Variants in SGCZ observed in about 807,000 individuals in gnomAD.
SGCZ encodes zeta-sarcoglycan.
A neutral mutation model predicts 41.3 loss-of-function variants in SGCZ; 40 were observed. That is an observed-to-expected ratio of 0.97 (90% confidence interval 0.75 to 1.26). The LOEUF (loss-of-function observed/expected upper bound fraction) is 1.26. Among genes scored for constraint, SGCZ ranks in the 50% most tolerant of loss-of-function variants. The probability of loss-of-function intolerance (pLI) is 0.00; values close to 1 mark genes in which losing one functional copy is unlikely to be tolerated. For synonymous variants in SGCZ, 206 were observed against 137.5 expected (o/e 1.50, Z -3.49); for missense variants, 552 against 369.8 (o/e 1.49, Z -4.04).
intron 2 of SGCZ, among the ~76,000 whole-genome samples, chr8:14,537,351 C>T (rs1803327628): frequency 6.6e-6 from 1 of 151,882 alleles, no homozygotes; most frequent in South Asian, 2.1e-4. Flanking sequence ...ACCACATTTC[C>T]ACTCAGTTTT....
At chr8:14,309,683 C>G in intron 3 of SGCZ, 1 of 1,610,018 alleles carries the variant, frequency 6.2e-7, no homozygotes, top group Non-Finnish European at 8.5e-7. Context: ...AAGAAGACAC[C>G]TTCTGAGTAT....
chr8:14,787,125 A>C (rs1451669031), intron 1 of SGCZ, among the ~76,000 whole-genome samples: 1 of 152,204 alleles, frequency 6.6e-6, no homozygotes, highest in Non-Finnish European at 1.5e-5. Context: ...CATATGACAC[A>C]GAAGCAACAG....
chr8:14,308,903 A>T, intron 3 of SGCZ: 1 of 458,062 alleles, frequency 2.2e-6, no homozygotes, highest in Non-Finnish European at 3.9e-6. Context: ...GCAAAGAAAT[A>T]CATTTTCTTA....
At chr8:14,215,581 A>C (rs533297850) in intron 4 of SGCZ, among the ~76,000 whole-genome samples, 5 of 152,078 alleles carry the variant, frequency 3.3e-5, no homozygotes, top group Non-Finnish European at 7.4e-5. Flanking sequence ...TTTGAAAAAA[A>C]TTTAAGCCAT....
intron 1 of SGCZ, among the ~76,000 whole-genome samples, chr8:14,653,067 A>C (rs1807455005): frequency 6.6e-6 from 1 of 152,110 alleles, no homozygotes; most frequent in African/African-American, 2.4e-5. Context: ...GAAAACATAA[A>C]ATCCTCTATG....
intron 2 of SGCZ, among the ~76,000 whole-genome samples, chr8:14,401,973 T>A (rs549595586): frequency 3.3e-5 from 5 of 151,624 alleles, no homozygotes; most frequent in Non-Finnish European, 7.4e-5. Context: ...TTTTAATGAT[T>A]GCCATTCTAA....
chr8:14,656,487 T>G (rs1807578554), intron 1 of SGCZ, among the ~76,000 whole-genome samples: 1 of 147,108 alleles, frequency 6.8e-6, no homozygotes, highest in Non-Finnish European at 1.5e-5. Context: ...TCTTTCTCCC[T>G]CTCTTTCCTC....
chr8:14,481,915 G>C (rs548647792), intron 2 of SGCZ, among the ~76,000 whole-genome samples: 80 of 152,202 alleles, frequency 5.3e-4, no homozygotes, highest in Non-Finnish European at 1.0e-3. Context: ...CAGTTGAGAA[G>C]AGAAACAAAC....
intron 1 of SGCZ, among the ~76,000 whole-genome samples, chr8:14,819,059 G>A (rs371155571): frequency 7.3e-5 from 11 of 151,640 alleles, no homozygotes; most frequent in African/African-American, 2.7e-4. Context: ...AAAGATCTGT[G>A]GATAGATTCA....
At chr8:15,214,295 A>T (rs1322934757) in intron 1 of SGCZ, among the ~76,000 whole-genome samples, 1 of 152,156 alleles carries the variant, frequency 6.6e-6, no homozygotes, top group African/African-American at 2.4e-5. Flanking sequence ...GTTTTAAAGG[A>T]ACATGCAAAA....
At chr8:14,696,923 T>C (rs1808982491) in intron 1 of SGCZ, among the ~76,000 whole-genome samples, 1 of 150,802 alleles carries the variant, frequency 6.6e-6, no homozygotes, top group African/African-American at 2.5e-5. Context: ...TCCCAAGTGA[T>C]GACAGTGAAA....
At chr8:14,461,640 T>C (rs752806036) in intron 2 of SGCZ, among the ~76,000 whole-genome samples, 14 of 152,096 alleles carry the variant, frequency 9.2e-5, no homozygotes, top group Non-Finnish European at 1.8e-4. Flanking sequence ...AGTTTTTCAG[T>C]GACAGCCTGC....
intron 1 of SGCZ, among the ~76,000 whole-genome samples, chr8:15,113,659 T>C (rs75697213): frequency 0.08 from 12,120 of 152,160 alleles, 1,547 homozygotes; most frequent in African/African-American, 0.27. Context: ...TCAGTCCCCC[T>C]TCCTCATACA....
chr8:14,192,571 T>C (rs1177725269), intron 4 of SGCZ, among the ~76,000 whole-genome samples: 1 of 151,928 alleles, frequency 6.6e-6, no homozygotes, highest in Non-Finnish European at 1.5e-5. Flanking sequence ...TCAAGAGTTC[T>C]ATCCAAGAAT....
At chr8:14,281,367 T>G (rs1271991164) in intron 3 of SGCZ, among the ~76,000 whole-genome samples, 1 of 152,024 alleles carries the variant, frequency 6.6e-6, no homozygotes, top group Non-Finnish European at 1.5e-5. Flanking sequence ...ACTGTCACTA[T>G]TAGCTCCGTT....
chr8:14,835,930 C>G (rs1802686384), intron 1 of SGCZ, among the ~76,000 whole-genome samples: 1 of 152,146 alleles, frequency 6.6e-6, no homozygotes, highest in South Asian at 2.1e-4. Context: ...AAATTAATAG[C>G]TGAAATTAAA....
In SGCZ at chr8:14,474,075, T is replaced by A. The variant is rs895481610; in HGVS notation, c.234+80657A>T. On this transcript the variant is annotated intron_variant, in intron 2 of 7. Transcript: ENST00000382080. ...GGAAAGTTATAGGGGAAAGAAGAAG[T>A]CTCTTGTCAACAGAAATAGAATCTT... Among the ~76,000 whole-genome samples, 6 of 151,942 alleles carry A rather than the reference T, an allele frequency of 3.9e-5. No individual in the cohort carries two copies. In the East Asian group the frequency reaches 1.2e-3, roughly 29 times the overall value.
At chr8:14,787,370 G>A (rs1800801804) in intron 1 of SGCZ, among the ~76,000 whole-genome samples, 1 of 151,828 alleles carries the variant, frequency 6.6e-6, no homozygotes, top group Non-Finnish European at 1.5e-5. Flanking sequence ...GTAGAAGGAA[G>A]AAATACTTAA....
In SGCZ at chr8:14,540,374, T is replaced by C. The variant is rs151012815; in HGVS notation, c.234+14358A>G. ...TATGAGAATTTTTATGGCTGAATATTACCTTTCTAATACAAACTTTCACCT... is the reference window on the plus strand; with the variant it reads ...TATGAGAATTTTTATGGCTGAATATCACCTTTCTAATACAAACTTTCACCT... On this transcript the variant is annotated intron_variant, in intron 2 of 7. Coordinates refer to ENST00000382080, the MANE Select transcript of SGCZ (RefSeq NM_139167.4). Among the ~76,000 whole-genome samples the C allele has an allele frequency of 2.8e-3, 418 of 151,646 alleles. 3 individuals are homozygous for C. The highest frequency in any genetic ancestry group is 9.7e-3 in the African/African-American group (403 of 41,470).
Sources: gnomAD v4.1 joint callset for allele counts (sites outside exome capture counted in the v4.1 genomes callset) on GRCh38, gnomAD v4.1.1 for gene constraint, MANE v1.5 for transcripts, NCBI Gene and HGNC (gene_info 2026-07-23, HGNC 2026-07-21) for gene names.